FREM1: variants seen among roughly 807,000 people sequenced by gnomAD.
The protein encoded by FREM1 is FRAS1 related extracellular matrix 1, also known as FRAS1-related extracellular matrix protein 1.
A neutral mutation model predicts 210.1 loss-of-function variants in FREM1; 220 were observed. That is an observed-to-expected ratio of 1.05 (90% CI 0.94 to 1.17). FREM1 has a LOEUF of 1.17. Among genes scored for constraint, FREM1 ranks in the 50% most tolerant of loss-of-function variants. The probability of loss-of-function intolerance (pLI) is 0.00; values close to 1 mark genes in which losing one functional copy is unlikely to be tolerated. For synonymous variants in FREM1, 1,189 were observed against 980.2 expected (o/e 1.21, Z -3.98); for missense variants, 3,454 against 2,675.5 (o/e 1.29, Z -6.42).
intron 20 of FREM1, 65 bp from the exon 21 acceptor site, chr9:14,797,707 G>T: frequency 7.4e-7 from 1 of 1,346,828 alleles, no homozygotes; most frequent in Non-Finnish European, 1.0e-6. Context: ...ATATGTCACA[G>T]ATAATGTCTT....
At chr9:14,877,925 C>T (rs1834071125) in intron 1 of FREM1, among the ~76,000 whole-genome samples, 1 of 152,148 alleles carries the variant, frequency 6.6e-6, no homozygotes, top group South Asian at 2.1e-4. Flanking sequence ...AAAGTTAATA[C>T]ACTCTTCCTT....
At chr9:14,788,583 A>G (rs1398858712) in intron 23 of FREM1, among the ~76,000 whole-genome samples, 1 of 152,184 alleles carries the variant, frequency 6.6e-6, no homozygotes, top group African/African-American at 2.4e-5. Context: ...CCTGAAGATA[A>G]AACTAGAGTT....
At chr9:14,776,369 C>G in intron 24 of FREM1, 166 bp from the exon 25 acceptor site, 1 of 668,930 alleles carries the variant, frequency 1.5e-6, no homozygotes, top group Non-Finnish European at 2.3e-6. Flanking sequence ...TTAAACCAGT[C>G]ACTAGAGTAA....
At chr9:14,803,262 T>TG (rs753533069) in intron 19 of FREM1, among the ~76,000 whole-genome samples, 4,064 of 136,500 alleles carry the variant, frequency 0.03, 82 homozygotes, top group Non-Finnish European at 0.039. Flanking sequence ...TCTTCCTCTC[T>TG]TTCTTTCCCT....
intron 5 of FREM1, among the ~76,000 whole-genome samples, chr9:14,852,107 G>A (rs531806805): frequency 1.7e-4 from 26 of 152,310 alleles, no homozygotes; most frequent in East Asian, 3.9e-4. Flanking sequence ...TCCTCCAGCC[G>A]CCTTCCTCAC....
In FREM1 at chr9:14,855,485, T is replaced by C. The variant is rs114361473; in HGVS notation, c.828+2068A>G. On this transcript the variant is annotated intron_variant, in intron 5 of 36. Coordinates refer to ENST00000380880, the MANE Select transcript of FREM1 (RefSeq NM_001379081.2). ...TTGGTCACTTGATGAGAATTGACTG[T>C]ACAACCATAAAAATAACAAAAGAAC... is the stretch of plus-strand genomic sequence containing the variant. Among the ~76,000 whole-genome samples the C allele has an allele frequency of 3.7e-3, 564 of 152,240 alleles. 4 individuals carry two copies. Among genetic ancestry groups the C allele is most frequent in the African/African-American group, 0.013 (546 of 41,566 alleles).
intron 1 of FREM1, among the ~76,000 whole-genome samples, chr9:14,882,111 T>TTGTG (rs59804222): frequency 0.19 from 28,981 of 151,520 alleles, 3,201 homozygotes; most frequent in East Asian, 0.58. Flanking sequence ...TGTTATTATT[T>TTGTG]TGTGTGTGTG....
intron 1 of FREM1, among the ~76,000 whole-genome samples, chr9:14,885,339 G>T (rs1222167034): frequency 6.6e-6 from 1 of 151,972 alleles, no homozygotes; most frequent in South Asian, 2.1e-4. Flanking sequence ...ATTACCCCTT[G>T]ACTCACACAA....
chr9:14,844,371 A>G (rs2131262419), intron 8 of FREM1, among the ~76,000 whole-genome samples: 1 of 152,178 alleles, frequency 6.6e-6, no homozygotes, highest in African/African-American at 2.4e-5. Flanking sequence ...GGCTACAGGC[A>G]CGCACCACCA....
chr9:14,762,305 T>C (rs772894431), intron 27 of FREM1, among the ~76,000 whole-genome samples: 17 of 152,314 alleles, frequency 1.1e-4, no homozygotes, highest in Non-Finnish European at 2.2e-4. Context: ...ATTTCAGCCA[T>C]CAGTAGGGTT....
chr9:14,860,866 T>TATACGTATATATAC (rs1830027523), intron 3 of FREM1, among the ~76,000 whole-genome samples: 9 of 46,156 alleles, frequency 1.9e-4, no homozygotes, highest in African/African-American at 1.2e-3. Flanking sequence ...TATATACACA[T>TATACGTATATATAC]ATATATACGT....
At position 14,770,870 on chromosome 9, in the gene FREM1, C is replaced by A. The variant is rs574681081; in HGVS notation, c.4858-64G>T. 8 of 1,193,312 alleles carry A rather than the reference C, an allele frequency of 6.7e-6. No homozygotes were observed. The South Asian group carries it at 1.1e-4, about 16-fold the overall frequency. 73.9% of individuals were successfully genotyped at this position (1,193,312 alleles called of 1,614,324 possible). A position where few individuals can be genotyped will look rare whatever the true frequency, so the allele number is the denominator to read the frequency against. On this transcript the variant is annotated intron_variant, in intron 25 of 36. Coordinates refer to ENST00000380880, the MANE Select transcript of FREM1 (RefSeq NM_001379081.2). ...CCCCTCACCCCCATGCAACGTTGGGCTTTATTGGTTCAACAATGACACACT... is the reference window on the plus strand; with the variant it reads ...CCCCTCACCCCCATGCAACGTTGGGATTTATTGGTTCAACAATGACACACT...
chr9:14,852,201 T>G (rs1195716387), intron 5 of FREM1, among the ~76,000 whole-genome samples: 3 of 152,208 alleles, frequency 2.0e-5, no homozygotes, highest in African/African-American at 7.2e-5. Flanking sequence ...AAATGAAGAA[T>G]AGTTGCTTGG....
At chr9:14,888,815 G>T (rs992506380) in intron 1 of FREM1, among the ~76,000 whole-genome samples, 1 of 152,014 alleles carries the variant, frequency 6.6e-6, no homozygotes, top group African/African-American at 2.4e-5. Flanking sequence ...ATATTCTTCA[G>T]TTCATTTATC....
intron 2 of FREM1, among the ~76,000 whole-genome samples, chr9:14,866,713 G>A (rs1053644014): frequency 6.6e-6 from 1 of 152,120 alleles, no homozygotes; most frequent in African/African-American, 2.4e-5. Context: ...ATATTGATTG[G>A]AAGAGGTACC....
intron 1 of FREM1, among the ~76,000 whole-genome samples, chr9:14,873,297 C>A (rs1188751571): frequency 2.6e-5 from 4 of 152,130 alleles, no homozygotes; most frequent in Non-Finnish European, 5.9e-5. Flanking sequence ...TCCATCAGGT[C>A]CTGGACTCTT....
chr9:14,841,815 T>A (rs542219815), intron 9 of FREM1, among the ~76,000 whole-genome samples: 1 of 152,228 alleles, frequency 6.6e-6, no homozygotes, highest in African/African-American at 2.4e-5. Context: ...TATGGAAAAA[T>A]TAGCATTAGA....
Position 14,775,853 on chromosome 9 carries a change from C to T in FREM1, c.4793G>A (p.Gly1598Glu). ...TDCFTFMATD[G>E]TNQGFIVNGR... ...ATTCACAATAAAGCCTTGGTTTGTC[C>T]CATCTGTGGCCATGAAAGTAAAGCA... Residue 1598 changes from glycine (G) to glutamate (E), a missense_variant, in exon 25 of 37, where the codon GGG (glycine) becomes GAG (glutamate). Physicochemically the swap from Gly to Glu is moderately conservative, Grantham distance 98. Coordinates refer to ENST00000380880, the MANE Select transcript of FREM1 (RefSeq NM_001379081.2). The T allele has an allele frequency of 6.2e-7, 1 of 1,613,946 alleles. No homozygotes were observed. The highest frequency in any genetic ancestry group is 1.3e-5 in the African/African-American group (1 of 75,046).
chr9:14,816,648 A>T, intron 15 of FREM1, 130 bp downstream of exon 15: 1 of 442,042 alleles, frequency 2.3e-6, no homozygotes, highest in Non-Finnish European at 3.8e-6. Context: ...CCAATCTTAG[A>T]CTTCCCAGCC....
Sources: gnomAD v4.1 joint callset for allele counts (sites outside exome capture counted in the v4.1 genomes callset) on GRCh38, gnomAD v4.1.1 for gene constraint, MANE v1.5 for transcripts, NCBI Gene and HGNC (gene_info 2026-07-23, HGNC 2026-07-21) for gene names.